BICC1: variants seen among roughly 807,000 people sequenced by gnomAD.
The protein encoded by BICC1 is protein bicaudal C homolog 1.
A neutral mutation model predicts 111.0 loss-of-function variants in BICC1; 43 were observed. That is an observed-to-expected ratio of 0.39 (90% CI 0.30 to 0.50). The LOEUF is 0.50. BICC1 is among the 20% of genes least tolerant of loss of function. The pLI, the probability that BICC1 is intolerant of heterozygous loss-of-function variation, is 0.88. For synonymous variants in BICC1, 467 were observed against 434.4 expected (o/e 1.07, Z -0.93); for missense variants, 1,091 against 1,203.2 (o/e 0.91, Z 1.38).
intron 2 of BICC1, among the ~76,000 whole-genome samples, chr10:58,674,063 CT>C (rs1839265990): frequency 6.6e-6 from 1 of 152,194 alleles, no homozygotes; most frequent in Non-Finnish European, 1.5e-5. Flanking sequence ...AATCATTTAG[CT>C]ACCAACATTT....
chr10:58,691,756 T>C (rs1839914871), intron 2 of BICC1, among the ~76,000 whole-genome samples: 1 of 152,204 alleles, frequency 6.6e-6, no homozygotes, highest in African/African-American at 2.4e-5. Context: ...TCGGTTTGCC[T>C]CTCACTCACT....
At position 58,823,247 on chromosome 10, in the gene BICC1, G is replaced by A. The variant is rs906700547; in HGVS notation, c.2794+2779G>A. 3.3e-5 allele frequency: 33 copies of A among 985,094 alleles called. No individual in the cohort carries two copies. The South Asian group carries it at 6.6e-4, about 20-fold the overall frequency. The allele number at this position is 985,094 out of a possible 1,614,324, so 61.0% of individuals were successfully genotyped here. On this transcript the variant is annotated intron_variant, in intron 20 of 20. Transcript: ENST00000373886. ...TTAGTTTGTGACTCTGTTCAGATCC[G>A]CAACAAGATCCTGAGAGCTGCCAGG...
chr10:58,650,710 A>T (rs1838420963), intron 2 of BICC1: 1 of 152,160 alleles, frequency 6.6e-6, no homozygotes, highest in Non-Finnish European at 1.5e-5. Flanking sequence ...TTGCTAAGTC[A>T]GACTTGTTTA....
At chr10:58,608,165 C>T (rs1331865489) in intron 1 of BICC1, among the ~76,000 whole-genome samples, 2 of 152,048 alleles carry the variant, frequency 1.3e-5, no homozygotes, top group Non-Finnish European at 2.9e-5. Context: ...GTATCACTAC[C>T]CCCTTTTCCT....
At chr10:58,697,955 C>A (rs1309802153) in intron 2 of BICC1, among the ~76,000 whole-genome samples, 1 of 151,992 alleles carries the variant, frequency 6.6e-6, no homozygotes, top group Non-Finnish European at 1.5e-5. Context: ...GCGTCACACT[C>A]CACTACTCCC....
intron 1 of BICC1, among the ~76,000 whole-genome samples, chr10:58,603,511 A>G (rs1845109894): frequency 6.6e-6 from 1 of 152,196 alleles, no homozygotes. Flanking sequence ...ACCTCTATGT[A>G]TCTTCAAGTA....
At chr10:58,688,594 A>C (rs138869174) in intron 2 of BICC1, among the ~76,000 whole-genome samples, 1,730 of 152,336 alleles carry the variant, frequency 0.011, 37 homozygotes, top group African/African-American at 0.037. Context: ...TGTTTATTGC[A>C]GCACTATTTA....
Position 58,788,365 on chromosome 10 carries a change from T to C in BICC1, c.547-5T>C. ...ATCTAACTTTGTATTTTCCTCCTCT[T>C]ATAGGTATCTATAGCGGGACAACCA... On this transcript the variant is annotated splice_polypyrimidine_tract_variant and splice_region_variant and intron_variant, in intron 5 of 20. Coordinates refer to ENST00000373886, the MANE Select transcript of BICC1 (RefSeq NM_001080512.3). The C allele has an allele frequency of 6.2e-7, 1 of 1,603,428 alleles. No individual in the cohort carries two copies.
At chr10:58,542,219 A>G (rs1027921087) in intron 1 of BICC1, among the ~76,000 whole-genome samples, 1 of 151,866 alleles carries the variant, frequency 6.6e-6, no homozygotes, top group Non-Finnish European at 1.5e-5. Flanking sequence ...GAGAATCGAG[A>G]AATAAATCCT....
At chr10:58,630,214 G>T (rs949811664) in intron 2 of BICC1, among the ~76,000 whole-genome samples, 2 of 152,164 alleles carry the variant, frequency 1.3e-5, no homozygotes, top group Non-Finnish European at 2.9e-5. Flanking sequence ...GGGTCATGAG[G>T]TAGCATGGAG....
chr10:58,691,825 CA>C (rs1314432946), intron 2 of BICC1, among the ~76,000 whole-genome samples: 3 of 152,150 alleles, frequency 2.0e-5, no homozygotes, highest in Non-Finnish European at 1.5e-5. Flanking sequence ...CATTATCATG[CA>C]CATATTTCCT....
chr10:58,553,491 A>T (rs1843356631), intron 1 of BICC1, among the ~76,000 whole-genome samples: 2 of 152,166 alleles, frequency 1.3e-5, no homozygotes, highest in African/African-American at 2.4e-5. Context: ...GTCCATCAAC[A>T]CCTGGATTTT....
At chr10:58,517,598 T>A (rs1386091186) in intron 1 of BICC1, among the ~76,000 whole-genome samples, 1 of 152,182 alleles carries the variant, frequency 6.6e-6, no homozygotes. Context: ...TGATCAAGGC[T>A]AATAAACAGC....
chr10:58,819,490 A>G (rs951491048), intron 19 of BICC1, among the ~76,000 whole-genome samples: 1 of 152,164 alleles, frequency 6.6e-6, no homozygotes, highest in Admixed American at 6.6e-5. Flanking sequence ...AGAATCCCCC[A>G]TAAGTAACTT....
At chr10:58,745,373 A>G (rs898594716) in intron 3 of BICC1, among the ~76,000 whole-genome samples, 1 of 152,126 alleles carries the variant, frequency 6.6e-6, no homozygotes, top group African/African-American at 2.4e-5. Flanking sequence ...AGGATTATGC[A>G]GGAATTAATA....
intron 20 of BICC1, 33 bp from the exon 21 acceptor site, chr10:58,828,728 G>C: frequency 6.2e-7 from 1 of 1,607,074 alleles, no homozygotes; most frequent in South Asian, 1.1e-5. Flanking sequence ...AACTTCTCTT[G>C]AGCTCCTAAC....
chr10:58,661,083 G>A (rs1838827298), intron 2 of BICC1, among the ~76,000 whole-genome samples: 1 of 152,116 alleles, frequency 6.6e-6, no homozygotes, highest in Non-Finnish European at 1.5e-5. Context: ...TGTGGTTTTA[G>A]GGCAGTGGTT....
At chr10:58,690,110 C>A (rs1839867907) in intron 2 of BICC1, among the ~76,000 whole-genome samples, 1 of 152,144 alleles carries the variant, frequency 6.6e-6, no homozygotes. Flanking sequence ...TCTGGGCTAT[C>A]ATACAGTGGA....
At chr10:58,550,720 C>G (rs1649060) in intron 1 of BICC1, among the ~76,000 whole-genome samples, 76,196 of 151,924 alleles carry the variant, frequency 0.5, 19,421 homozygotes, top group Admixed American at 0.64. Context: ...AATCGCCTTT[C>G]TGTGTTTTTC....
Sources: gnomAD v4.1 joint callset for allele counts (sites outside exome capture counted in the v4.1 genomes callset) on GRCh38, gnomAD v4.1.1 for gene constraint, MANE v1.5 for transcripts, NCBI Gene and HGNC (gene_info 2026-07-23, HGNC 2026-07-21) for gene names.